Variants in PUDP observed in about 807,000 individuals in gnomAD.
The protein encoded by PUDP is pseudouridine 5'-phosphatase, also known as pseudouridine-5'-phosphatase.
A neutral mutation model predicts 9.4 loss-of-function variants in PUDP; 8 were observed. The ratio of observed to expected loss-of-function variants is 0.85; its 90% confidence interval spans 0.50 to 1.53. The LOEUF is 1.53. PUDP is among the 40% of genes most tolerant of loss of function. PUDP has a pLI of 0.00. For synonymous variants in PUDP, 99 were observed against 80.7 expected, an observed-to-expected ratio of 1.23 and a Z score of -1.22; for missense variants, 188 against 189.7, an observed-to-expected ratio of 0.99 and a Z score of 0.05.
At chrX:7,059,273 G>A (rs183171349) in intron 3 of PUDP, among the ~76,000 whole-genome samples, 1 of 111,623 alleles carries the variant, frequency 9.0e-6, no homozygotes, top group Admixed American at 9.5e-5. Context: ...GTGAGCAAAA[G>A]ACTTCAAGAC....
chrX:7,101,670 A>G (rs1332429240), intron 2 of PUDP, among the ~76,000 whole-genome samples: 1 of 112,203 alleles, frequency 8.9e-6, no homozygotes, highest in Non-Finnish European at 1.9e-5. Context: ...GTAGATATGG[A>G]AGAAATAAGA....
intron 1 of PUDP, among the ~76,000 whole-genome samples, chrX:7,122,803 TAG>T (rs1256063175): frequency 8.9e-6 from 1 of 112,563 alleles, no homozygotes; most frequent in Non-Finnish European, 1.9e-5. Flanking sequence ...AGATTATTAC[TAG>T]AGTTACGTTA....
intron 3 of PUDP, among the ~76,000 whole-genome samples, chrX:6,819,337 T>A (rs1404584005): frequency 8.9e-6 from 1 of 112,095 alleles, no homozygotes; most frequent in African/African-American, 3.2e-5. Flanking sequence ...GAAGCCCACA[T>A]ACACTCACTC....
intron 3 of PUDP, among the ~76,000 whole-genome samples, chrX:6,803,868 G>T (rs1046670448): frequency 1.8e-5 from 2 of 111,135 alleles, no homozygotes; most frequent in Non-Finnish European, 1.9e-5. Flanking sequence ...TAGCTCCAAG[G>T]TAAAGAATAT....
chrX:7,146,988 G>A (rs1432127192), intron 1 of PUDP, among the ~76,000 whole-genome samples: 1 of 110,583 alleles, frequency 9.0e-6, no homozygotes, highest in Non-Finnish European at 1.9e-5. Flanking sequence ...AAGCCTCCTG[G>A]TGATTATGTG....
At chrX:6,929,421 C>T (rs1471816321) in intron 3 of PUDP, among the ~76,000 whole-genome samples, 1 of 112,474 alleles carries the variant, frequency 8.9e-6, no homozygotes, top group Non-Finnish European at 1.9e-5. Flanking sequence ...TTCCAGGTCA[C>T]AGGTGGTTTT....
chrX:7,095,640 C>T (rs369937961), intron 2 of PUDP, among the ~76,000 whole-genome samples: 7 of 112,333 alleles, frequency 6.2e-5, no homozygotes, highest in South Asian at 3.7e-4. Context: ...ACAGTTTGTG[C>T]CATGTACACA....
At chrX:6,994,760 C>A (rs990179683) in intron 1 of PUDP, among the ~76,000 whole-genome samples, 2 of 111,419 alleles carry the variant, frequency 1.8e-5, no homozygotes, top group Non-Finnish European at 3.8e-5. Context: ...GTTTACTGAG[C>A]AGAAAAGAGT....
At chrX:6,828,787 A>G (rs1167471001) in intron 3 of PUDP, among the ~76,000 whole-genome samples, 1 of 111,709 alleles carries the variant, frequency 9.0e-6, no homozygotes, top group Non-Finnish European at 1.9e-5. Flanking sequence ...GGGCTCATAC[A>G]CTACGTAAGC....
At chrX:6,710,559 C>T (rs1924519792) in intron 1 of PUDP, among the ~76,000 whole-genome samples, 1 of 111,493 alleles carries the variant, frequency 9.0e-6, no homozygotes, top group Non-Finnish European at 1.9e-5. Context: ...AAATGGTTGG[C>T]GTCAAATGTT....
At chrX:6,919,930 T>C (rs1927996299) in intron 3 of PUDP, among the ~76,000 whole-genome samples, 1 of 91,163 alleles carries the variant, frequency 1.1e-5, no homozygotes, top group African/African-American at 4.2e-5. Flanking sequence ...CGTGCTTGCA[T>C]TGAATAAAAC....
At chrX:7,031,030 C>A (rs1272686932) in intron 1 of PUDP, among the ~76,000 whole-genome samples, 1 of 111,389 alleles carries the variant, frequency 9.0e-6, no homozygotes, top group Non-Finnish European at 1.9e-5. Flanking sequence ...TATAGGGTAA[C>A]TTCCTGATGT....
At chrX:7,130,961 G>C (rs184106531) in intron 1 of PUDP, among the ~76,000 whole-genome samples, 1 of 101,237 alleles carries the variant, frequency 9.9e-6, no homozygotes, top group Non-Finnish European at 2.1e-5. Flanking sequence ...AGTGTAGGTC[G>C]ATGGCCACCT....
intron 1 of PUDP, among the ~76,000 whole-genome samples, chrX:6,720,620 G>A (rs1924662117): frequency 9.4e-6 from 1 of 106,313 alleles, no homozygotes; most frequent in African/African-American, 3.4e-5. Context: ...TTGTTTACTT[G>A]AAATTTTTTA....
At chrX:7,005,459 G>A (rs1490130928) in intron 1 of PUDP, among the ~76,000 whole-genome samples, 2 of 108,923 alleles carry the variant, frequency 1.8e-5, no homozygotes, top group Non-Finnish European at 3.8e-5. Flanking sequence ...GCCCAGGCTG[G>A]AGTGCAGTAG....
chrX:6,816,831 T>C (rs1926248281), intron 3 of PUDP, among the ~76,000 whole-genome samples: 1 of 95,372 alleles, frequency 1.0e-5, no homozygotes, highest in Non-Finnish European at 2.0e-5. Context: ...GTATATACTA[T>C]ATAGTATATA....
At chrX:6,713,237 C>T (rs1366595684) in intron 1 of PUDP, among the ~76,000 whole-genome samples, 1 of 111,438 alleles carries the variant, frequency 9.0e-6, no homozygotes, top group Non-Finnish European at 1.9e-5. Flanking sequence ...TGTTTTTTTC[C>T]ATTTGAAGCA....
intron 3 of PUDP, among the ~76,000 whole-genome samples, chrX:6,870,991 C>T (rs1173198632): frequency 1.8e-5 from 2 of 111,962 alleles, no homozygotes; most frequent in African/African-American, 6.5e-5. Flanking sequence ...GCAGGCACCA[C>T]CACGTCTAGC....
intron 1 of PUDP, among the ~76,000 whole-genome samples, chrX:6,992,358 C>T (rs1423416393): frequency 1.2e-5 from 1 of 84,435 alleles, no homozygotes; most frequent in Non-Finnish European, 2.4e-5. Context: ...CTGCAAGCTC[C>T]GCTTCCCGGG....
Sources: gnomAD v4.1 joint callset for allele counts (sites outside exome capture counted in the v4.1 genomes callset) on GRCh38, gnomAD v4.1.1 for gene constraint, MANE v1.5 for transcripts, NCBI Gene and HGNC (gene_info 2026-07-23, HGNC 2026-07-21) for gene names.